FAM135B: variants seen among roughly 807,000 people sequenced by gnomAD.
FAM135B encodes the protein protein FAM135B.
FAM135B carries 43 observed loss-of-function variants against 127.7 expected under a neutral mutation model. The observed-to-expected ratio is 0.34, with a 90% confidence interval of 0.26 to 0.43. The LOEUF (loss-of-function observed/expected upper bound fraction) is 0.43. Ranked by LOEUF, FAM135B falls within the 20% of genes least tolerant of loss-of-function variation. The probability of loss-of-function intolerance (pLI) is 1.00; values close to 1 mark genes in which losing one functional copy is unlikely to be tolerated. For synonymous variants in FAM135B, 670 were observed against 665.1 expected (o/e 1.01, Z -0.11); for missense variants, 1,558 against 1,725.6 (o/e 0.90, Z 1.72).
intron 3 of FAM135B, among the ~76,000 whole-genome samples, chr8:138,308,782 T>G (rs1449672605): frequency 6.6e-6 from 1 of 152,114 alleles, no homozygotes; most frequent in Non-Finnish European, 1.5e-5. Context: ...GCTCATCCGG[T>G]GACAGGACCC....
intron 1 of FAM135B, among the ~76,000 whole-genome samples, chr8:138,475,788 A>G (rs1814394143): frequency 6.6e-6 from 1 of 152,318 alleles, no homozygotes; most frequent in Middle Eastern, 3.4e-3. Context: ...GGAAATGCAA[A>G]GTGGTACATA....
In FAM135B at chr8:138,321,930, C is replaced by T. The variant is rs542234901; in HGVS notation, c.78-11010G>A. The stretch of plus-strand genomic sequence containing the variant: ...CACCTCAGGAATTACAAGAGAGCTG[C>T]ACATGCTGTGACTGCCAGCAAAGGT... On this transcript the variant is annotated intron_variant, in intron 2 of 19. Transcript: ENST00000395297. Among the ~76,000 whole-genome samples the T allele has an allele frequency of 3.3e-5, 5 of 152,260 alleles. No individual in the cohort carries two copies. In the South Asian group the frequency reaches 6.2e-4, roughly 19 times the overall value.
At chr8:138,202,462 G>A (rs1213677353) in intron 7 of FAM135B, among the ~76,000 whole-genome samples, 1 of 152,090 alleles carries the variant, frequency 6.6e-6, no homozygotes, top group African/African-American at 2.4e-5. Context: ...TGTTGCCCAG[G>A]CTGGTTTTGA....
chr8:138,390,669 A>G (rs1208022260), intron 1 of FAM135B, among the ~76,000 whole-genome samples: 1 of 152,222 alleles, frequency 6.6e-6, no homozygotes, highest in African/African-American at 2.4e-5. Context: ...AGCTGTGTTC[A>G]CTAATGAAGA....
intron 2 of FAM135B, among the ~76,000 whole-genome samples, chr8:138,336,095 A>G (rs1043509821): frequency 3.9e-5 from 6 of 152,114 alleles, no homozygotes; most frequent in African/African-American, 7.2e-5. Context: ...TCTCTGGGAC[A>G]CATTCAAAGC....
chr8:138,249,595 T>C (rs1042250090), intron 6 of FAM135B, among the ~76,000 whole-genome samples: 15 of 152,156 alleles, frequency 9.9e-5, no homozygotes, highest in African/African-American at 3.4e-4. Flanking sequence ...GCGTGGTCAC[T>C]GGATCACACC....
rs193033464 is a variant in FAM135B at position 138,372,491 on chromosome 8, C to T, written c.-19-4489G>A. Among the ~76,000 whole-genome samples, 398 of 152,306 alleles carry T rather than the reference C, an allele frequency of 2.6e-3. 1 individual carries two copies. Among genetic ancestry groups the T allele is most frequent in the South Asian group, 7.7e-3 (37 of 4,812 alleles). ...AACAGCCTATCTCTAAAGCAATATA[C>T]ATACAGGCTCCAGAACCAGACGCCT... On this transcript the variant is annotated intron_variant, in intron 1 of 19. Transcript: ENST00000395297.
chr8:138,157,201 G>T (rs192816968), intron 12 of FAM135B, among the ~76,000 whole-genome samples: 102 of 152,246 alleles, frequency 6.7e-4, no homozygotes, highest in African/African-American at 2.3e-3. Context: ...AAAACCACAT[G>T]ATTATCTCAA....
At chr8:138,208,669 C>T (rs1252507304) in intron 7 of FAM135B, among the ~76,000 whole-genome samples, 1 of 152,194 alleles carries the variant, frequency 6.6e-6, no homozygotes, top group Non-Finnish European at 1.5e-5. Flanking sequence ...GACTTTGCTG[C>T]CCTCAGAGGG....
intron 1 of FAM135B, among the ~76,000 whole-genome samples, chr8:138,401,108 T>A (rs1022092106): frequency 3.9e-5 from 6 of 152,208 alleles, no homozygotes; most frequent in Admixed American, 6.5e-5. Context: ...TAACTGGGAT[T>A]ATATCAAAAG....
intron 12 of FAM135B, among the ~76,000 whole-genome samples, chr8:138,159,609 TG>T (rs1819157512): frequency 1.4e-5 from 1 of 74,030 alleles, no homozygotes. Flanking sequence ...TGTCGTGGGG[TG>T]GGGGGAGGGG....
In FAM135B at chr8:138,406,554, A is replaced by G. The variant is rs904343114; in HGVS notation, c.-19-38552T>C. ...AATCCAGCAGCACATCAAAAAGCTT[A>G]TCCACCATGATCAAGTGGGCTTCAT... On this transcript the variant is annotated intron_variant, in intron 1 of 19. Transcript: ENST00000395297. Among the ~76,000 whole-genome samples the G allele has an allele frequency of 8.0e-4, 122 of 152,220 alleles. 1 individual carries two copies. The highest frequency in any genetic ancestry group is 2.6e-3 in the African/African-American group (109 of 41,508).
chr8:138,349,125 C>T (rs113932447), intron 2 of FAM135B, among the ~76,000 whole-genome samples: 26 of 152,208 alleles, frequency 1.7e-4, no homozygotes, highest in African/African-American at 6.3e-4. Flanking sequence ...TCTTACATTC[C>T]AGGAAACCCC....
chr8:138,178,342 T>C (rs971073831), intron 10 of FAM135B, among the ~76,000 whole-genome samples, 193 bp downstream of exon 10: 2 of 152,110 alleles, frequency 1.3e-5, no homozygotes, highest in African/African-American at 4.8e-5. Flanking sequence ...CCAAGGCAAG[T>C]ATTCTATGAA....
intron 1 of FAM135B, among the ~76,000 whole-genome samples, chr8:138,474,264 C>A (rs1307757456): frequency 6.6e-6 from 1 of 152,084 alleles, no homozygotes; most frequent in Admixed American, 6.6e-5. Context: ...GCCAGACAGA[C>A]CCCCACGAAC....
intron 2 of FAM135B, among the ~76,000 whole-genome samples, chr8:138,334,415 G>T (rs554809388): frequency 1.3e-5 from 2 of 152,182 alleles, no homozygotes; most frequent in African/African-American, 4.8e-5. Context: ...TTTAAGTTCA[G>T]GGTTACATGT....
At chr8:138,267,034 A>G (rs1563838046) in intron 3 of FAM135B, among the ~76,000 whole-genome samples, 1 of 152,222 alleles carries the variant, frequency 6.6e-6, no homozygotes, top group Non-Finnish European at 1.5e-5. Flanking sequence ...AAGCAGAGGC[A>G]GGTGCCTAAA....
At chr8:138,269,688 A>G (rs1823222811) in intron 3 of FAM135B, among the ~76,000 whole-genome samples, 1 of 152,222 alleles carries the variant, frequency 6.6e-6, no homozygotes, top group Admixed American at 6.5e-5. Context: ...ACTTGTCCCC[A>G]CTTTCCAGCT....
chr8:138,299,586 TACAC>T (rs200452928), intron 3 of FAM135B, among the ~76,000 whole-genome samples: 4 of 142,870 alleles, frequency 2.8e-5, no homozygotes, highest in Non-Finnish European at 4.6e-5. Context: ...CATACACACA[TACAC>T]ACACACACAC....
Sources: gnomAD v4.1 joint callset for allele counts (sites outside exome capture counted in the v4.1 genomes callset) on GRCh38, gnomAD v4.1.1 for gene constraint, MANE v1.5 for transcripts, NCBI Gene and HGNC (gene_info 2026-07-23, HGNC 2026-07-21) for gene names.